The following CD276 variants were observed in gnomAD, a reference collection of about 807,000 sequenced individuals.
CD276 encodes the protein CD276 antigen.
A neutral mutation model predicts 50.0 loss-of-function variants in CD276; 34 were observed. The ratio of observed to expected loss-of-function variants is 0.68; its 90% CI spans 0.52 to 0.91. The LOEUF (loss-of-function observed/expected upper bound fraction) is 0.91. Ranked by LOEUF, CD276 falls within the 40% of genes least tolerant of loss-of-function variation. The probability of loss-of-function intolerance (pLI) is 0.00; values close to 1 mark genes in which losing one functional copy is unlikely to be tolerated. For missense variants in CD276, 634 were observed against 717.5 expected (o/e 0.88, Z 1.33); for synonymous variants, 275 against 313.0 (o/e 0.88, Z 1.28).
In CD276 at chr15:73,702,961, A is replaced by T. The variant is rs752504093; in HGVS notation, c.608A>T (p.Asp203Val). The change falls in exon 4 of 10, where the codon GAT (aspartate) becomes GTT (valine). Residue 203 changes from aspartate to valine, a missense_variant. Coordinates refer to ENST00000318443, the MANE Select transcript of CD276 (RefSeq NM_001024736.2). ...ATGGCCAACGAGCAGGGCTTGTTTG[A>T]TGTGCACAGCATCCTGCGGGTGGTG... The part of the protein sequence containing the change: ...SQMANEQGLF[D>V]VHSILRVVLG... 5.0e-6 allele frequency: 8 copies of T among 1,614,040 alleles called. No individual in the cohort carries two copies.
In CD276 at chr15:73,713,868, G is replaced by A. The variant is rs2141442627; in HGVS notation, c.*912G>A. ...TGATGTTTATTGAGCAACTACAGAT[G>A]TCAGCACTGTGTTAGGTGCTGGGGG... On this transcript the variant is annotated 3_prime_UTR_variant, in exon 10 of 10. Coordinates refer to ENST00000318443, the MANE Select transcript of CD276 (RefSeq NM_001024736.2). The A allele has an allele frequency of 2.3e-6, 1 of 429,276 alleles. No homozygotes were observed. The highest frequency in any genetic ancestry group is 8.2e-5 in the East Asian group (1 of 12,186). The allele number at this position is 429,276 out of a possible 1,614,324, so 26.6% of individuals were successfully genotyped here.
At chr15:73,685,237 C>T (rs1197776886) in intron 1 of CD276, among the ~76,000 whole-genome samples, 1 of 151,650 alleles carries the variant, frequency 6.6e-6, no homozygotes, top group African/African-American at 2.4e-5. Flanking sequence ...GGTGGGGACC[C>T]CGAGTGGGGG....
chr15:73,708,528 A>G, intron 7 of CD276, 55 bp downstream of exon 7: 1 of 1,562,454 alleles, frequency 6.4e-7, no homozygotes, highest in East Asian at 2.3e-5. Context: ...GTCTTGGGGT[A>G]TGTTGCTGTC....
chr15:73,704,016 A>C lies in CD276; in HGVS notation c.1072+19A>C. 6.2e-7 allele frequency: 1 copy of C among 1,600,372 alleles called. No homozygotes were observed. Among genetic ancestry groups the C allele is most frequent in the Non-Finnish European group, 8.5e-7 (1 of 1,173,772 alleles). ...GTGGCCGGTGAGCACCAGGAGGGCG[A>C]CGCCTTCCCCTTGGTTCACCCTCCA... On this transcript the variant is annotated intron_variant, in intron 5 of 9. Transcript: ENST00000318443. This position sits in a 1 kb window ranked among gnomAD's most constrained non-coding sequence, Gnocchi z 4.1.
At position 73,712,796 on chromosome 15, in the gene CD276, G is replaced by A. The variant is rs770817345; in HGVS notation, c.1583-138G>A. ...GCCGTGGTCAGCACGGGGGCTGTCC[G>A]TTGGGCTGCTGTCTCACACACACTC... On this transcript the variant is annotated intron_variant, in intron 9 of 9. Coordinates refer to ENST00000318443, the MANE Select transcript of CD276 (RefSeq NM_001024736.2). 93 of 871,308 alleles carry A rather than the reference G, an allele frequency of 1.1e-4. No homozygotes were observed. The Middle Eastern group carries it at 2.0e-3, about 19-fold the overall frequency. The allele number at this position is 871,308 out of a possible 1,614,324, so 54.0% of individuals were successfully genotyped here.
intron 7 of CD276, 149 bp downstream of exon 7, chr15:73,708,622 T>A: frequency 4.6e-6 from 4 of 861,506 alleles, no homozygotes; most frequent in Non-Finnish European, 7.2e-6. Flanking sequence ...TGTGTGACCT[T>A]GAGTCTACGT....
intron 9 of CD276, 36 bp from the exon 10 acceptor site, chr15:73,712,898 C>T (rs759066210): frequency 7.0e-5 from 112 of 1,610,506 alleles, no homozygotes; most frequent in Non-Finnish European, 7.7e-5. Flanking sequence ...TAATGCTTTT[C>T]CCTTCCCTTT....
chr15:73,711,117 GCCTT>G lies in CD276; in HGVS notation c.1547-13_1547-10del, dbSNP rs749233085. On this transcript the variant is annotated splice_polypyrimidine_tract_variant and intron_variant, in intron 8 of 9. Coordinates refer to ENST00000318443, the MANE Select transcript of CD276 (RefSeq NM_001024736.2). ...CCATGGTTCCTCCCTCACCGTGTGC[GCCTT>G]CCTTTTTTTACAGCCCTGCAGCCTC... is the stretch of plus-strand genomic sequence containing the variant. The G allele has an allele frequency of 1.2e-4, 186 of 1,613,856 alleles. 2 individuals carry two copies. In the South Asian group the frequency reaches 2.0e-3, roughly 17 times the overall value.
At chr15:73,705,840 C>T (rs1230736011) in intron 6 of CD276, among the ~76,000 whole-genome samples, 3 of 151,978 alleles carry the variant, frequency 2.0e-5, no homozygotes, top group East Asian at 3.9e-4. Context: ...TGGATATTTG[C>T]GATGCTGTGC....
At position 73,712,968 on chromosome 15, in the gene CD276, AG is replaced by A; in HGVS notation, c.*15del. 1 of 1,613,614 alleles carries A rather than the reference AG, an allele frequency of 6.2e-7. No homozygotes were observed. Among genetic ancestry groups the A allele is most frequent in the Non-Finnish European group, 8.5e-7 (1 of 1,179,630 alleles). On this transcript the variant is annotated 3_prime_UTR_variant, in exon 10 of 10. Coordinates refer to ENST00000318443, the MANE Select transcript of CD276 (RefSeq NM_001024736.2). Reference sequence around the variant, plus strand: ...AAGAAATAGCCTGACCATGAGGACCAGGGAGCTGCTACCCCTCCCTACAGCT... The same window carrying A: ...AAGAAATAGCCTGACCATGAGGACCAGGAGCTGCTACCCCTCCCTACAGCT...
At position 73,703,761 on chromosome 15, in the gene CD276, C is replaced by A. The variant is rs1413474831; in HGVS notation, c.836C>A (p.Ala279Glu). ...TCCCCCGAGCCTGGCTTCAGCCTGGCACAGCTCAACCTCATCTGGCAGCTG... is the reference window on the plus strand; with the variant it reads ...TCCCCCGAGCCTGGCTTCAGCCTGGAACAGCTCAACCTCATCTGGCAGCTG... ...SFSPEPGFSL[A>E]QLNLIWQLTD... The change falls in exon 5 of 10, where the codon GCA becomes GAA. Residue 279 changes from alanine (A) to glutamate (E), a missense_variant. Coordinates refer to ENST00000318443, the MANE Select transcript of CD276 (RefSeq NM_001024736.2). 1 of 1,613,652 alleles carries A rather than the reference C, an allele frequency of 6.2e-7. No homozygotes were observed. The highest frequency in any genetic ancestry group is 8.5e-7 in the Non-Finnish European group (1 of 1,180,022).
chr15:73,689,101 C>T (rs1899877234), intron 1 of CD276, among the ~76,000 whole-genome samples: 1 of 151,954 alleles, frequency 6.6e-6, no homozygotes, highest in Admixed American at 6.6e-5. Flanking sequence ...CCTTCCTCTC[C>T]CTATTCTCCT....
intron 2 of CD276, 152 bp downstream of exon 2, chr15:73,699,870 C>T (rs1020698241): frequency 9.5e-6 from 8 of 842,290 alleles, no homozygotes; most frequent in East Asian, 5.6e-5. Context: ...AGGCAACTCA[C>T]GTTACTGTTC....
chr15:73,686,201 G>A, intron 1 of CD276: 1 of 606,048 alleles, frequency 1.7e-6, no homozygotes, highest in Non-Finnish European at 2.1e-6. Context: ...GACCTTTGGA[G>A]TTCTTCCATG....
chr15:73,713,332 C>T lies in CD276; in HGVS notation c.*376C>T. ...GGCTGCCTTTTTTCTCCAAAAGATG[C>T]AATATTCAGACTGACTGACCCCCTG... On this transcript the variant is annotated 3_prime_UTR_variant, in exon 10 of 10. Transcript: ENST00000318443. The T allele has an allele frequency of 7.1e-6, 2 of 281,354 alleles. No individual in the cohort carries two copies. The highest frequency in any genetic ancestry group is 9.4e-5 in the South Asian group (2 of 21,338). 17.4% of individuals were successfully genotyped at this position (281,354 alleles called of 1,614,324 possible). A position where few individuals can be genotyped will look rare whatever the true frequency, so the allele number is the denominator to read the frequency against.
chr15:73,709,510 C>T lies in CD276; in HGVS notation c.1505-138C>T, dbSNP rs549343866. 1.5e-4 allele frequency: 117 copies of T among 799,362 alleles called. 2 individuals carry two copies. The highest frequency in any genetic ancestry group is 1.4e-3 in the South Asian group (98 of 67,918). The allele number at this position is 799,362 out of a possible 1,614,324, so 49.5% of individuals were successfully genotyped here. A position where few individuals can be genotyped will look rare whatever the true frequency, so the allele number is the denominator to read the frequency against. ...TGTGCTCTGCTCTCGGGCTCTAACC[C>T]GTGTCTAGCATTTGGTCCGCAGGTC... On this transcript the variant is annotated intron_variant, in intron 7 of 9. Transcript: ENST00000318443.
rs758439759 is a variant in CD276 at position 73,704,228 on chromosome 15, A to C, written c.1125A>C (p.Pro375=). The stretch of plus-strand genomic sequence containing the variant: ...TGGAGCCCAACAAGGACCTGCGGCC[A>C]GGGGACACGGTGACCATCACGTGCT... ...MTLEPNKDLR[P]GDTVTITCSS... is the part of the protein sequence containing the mutation. Residue 375 remains proline, a synonymous_variant, in exon 6 of 10, where the codon CCA becomes CCC. Coordinates refer to ENST00000318443, the MANE Select transcript of CD276 (RefSeq NM_001024736.2). The surrounding 1 kb of genome is among the most constrained non-coding windows in gnomAD (Gnocchi z 4.1). 1.7e-5 allele frequency: 28 copies of C among 1,614,014 alleles called. No homozygotes were observed. The highest frequency in any genetic ancestry group is 4.0e-5 in the African/African-American group (3 of 74,920).
intron 1 of CD276, among the ~76,000 whole-genome samples, chr15:73,693,325 A>G (rs1900054819): frequency 6.6e-6 from 1 of 152,192 alleles, no homozygotes; most frequent in Non-Finnish European, 1.5e-5. Flanking sequence ...AAAGATCACG[A>G]CAGGGTTACA....
intron 1 of CD276, among the ~76,000 whole-genome samples, chr15:73,697,424 C>T (rs556361904): frequency 1.3e-5 from 2 of 151,668 alleles, no homozygotes; most frequent in Admixed American, 6.6e-5. Context: ...TGAGGCTGGG[C>T]GCCTGGAATG....
Sources: gnomAD v4.1 joint callset for allele counts (sites outside exome capture counted in the v4.1 genomes callset) on GRCh38, gnomAD v4.1.1 for gene constraint, Gnocchi (gnomAD v3.1) non-coding constraint, MANE v1.5 for transcripts, NCBI Gene and HGNC (gene_info 2026-07-23, HGNC 2026-07-21) for gene names.